The following KPNA1 variants were observed in gnomAD, a reference collection of about 807,000 sequenced individuals.
KPNA1 encodes the protein importin subunit alpha-5.
Under a neutral mutation model 70.5 loss-of-function variants are expected in KPNA1, and 10 were observed. That is an observed-to-expected ratio of 0.14 (90% CI 0.09 to 0.24). The LOEUF is 0.24. KPNA1 is among the 10% of genes least tolerant of loss of function. The probability of loss-of-function intolerance (pLI) is 1.00; values close to 1 mark genes in which losing one functional copy is unlikely to be tolerated. For synonymous variants in KPNA1, 192 were observed against 221.9 expected (o/e 0.87, Z 1.20); for missense variants, 397 against 637.9 (o/e 0.62, Z 4.07).
intron 3 of KPNA1, among the ~76,000 whole-genome samples, chr3:122,464,866 G>A (rs1028182313): frequency 1.3e-5 from 2 of 152,194 alleles, no homozygotes; most frequent in African/African-American, 2.4e-5. Context: ...AATGCTAGAT[G>A]ACTGGTAAGC....
chr3:122,512,429 T>C (rs1576356583), intron 1 of KPNA1, among the ~76,000 whole-genome samples: 2 of 152,320 alleles, frequency 1.3e-5, no homozygotes, highest in East Asian at 3.9e-4. Flanking sequence ...CTTTATAAAG[T>C]AACATAATGC....
chr3:122,498,613 T>C (rs2076789973), intron 1 of KPNA1, among the ~76,000 whole-genome samples: 1 of 152,246 alleles, frequency 6.6e-6, no homozygotes, highest in Non-Finnish European at 1.5e-5. Context: ...GATCTATATG[T>C]GTATCCCTGT....
At chr3:122,450,274 T>C (rs866834288) in intron 8 of KPNA1, among the ~76,000 whole-genome samples, 21 of 152,086 alleles carry the variant, frequency 1.4e-4, no homozygotes, top group Admixed American at 6.5e-4. Context: ...GATATACAAA[T>C]AGCCAACAAA....
At chr3:122,447,793 T>A (rs1390920445) in intron 9 of KPNA1, among the ~76,000 whole-genome samples, 1 of 151,950 alleles carries the variant, frequency 6.6e-6, no homozygotes, top group African/African-American at 2.4e-5. Flanking sequence ...CAGCCCCAAA[T>A]CTCCTTGAGC....
At chr3:122,449,044 C>G (rs1410329987) in intron 9 of KPNA1, among the ~76,000 whole-genome samples, 1 of 152,212 alleles carries the variant, frequency 6.6e-6, no homozygotes. Flanking sequence ...TACCTTGTAA[C>G]TGTACCATTT....
At chr3:122,459,630 G>A in intron 5 of KPNA1, 15 of 985,426 alleles carry the variant, frequency 1.5e-5, no homozygotes, top group Non-Finnish European at 1.8e-5. Context: ...TTTTTCAGGT[G>A]TCTGATGATC....
In KPNA1 at chr3:122,434,343, T is replaced by G. The variant is rs186165457; in HGVS notation, c.1123-555A>C. ...TGAGTTCTTTTCTCTTTCACTTTCC[T>G]CTTTTGTTCTGCCCACAGTAACAAA... On this transcript the variant is annotated intron_variant, in intron 11 of 13. Transcript: ENST00000344337. Among the ~76,000 whole-genome samples the G allele has an allele frequency of 2.4e-3, 365 of 152,332 alleles. 3 individuals carry two copies. The highest frequency in any genetic ancestry group is 7.0e-3 in the African/African-American group (290 of 41,556).
intron 10 of KPNA1, 30 bp downstream of exon 10, chr3:122,442,008 G>C (rs1430628625): frequency 2.7e-6 from 4 of 1,468,990 alleles, no homozygotes; most frequent in Non-Finnish European, 9.5e-7. Context: ...TGTTTTTAAA[G>C]GACAAAAAAA....
chr3:122,430,805 G>A (rs2075894681), intron 12 of KPNA1, among the ~76,000 whole-genome samples: 1 of 152,144 alleles, frequency 6.6e-6, no homozygotes, highest in East Asian at 1.9e-4. Flanking sequence ...AATGAACCTA[G>A]ACACAGGCCT....
intron 2 of KPNA1, among the ~76,000 whole-genome samples, chr3:122,480,203 C>T (rs1288842858): frequency 6.6e-6 from 1 of 152,102 alleles, no homozygotes; most frequent in Non-Finnish European, 1.5e-5. Flanking sequence ...AATTTTAGCA[C>T]AGGGAATCTA....
chr3:122,437,740 A>G (rs1240799256), intron 10 of KPNA1, among the ~76,000 whole-genome samples: 1 of 152,238 alleles, frequency 6.6e-6, no homozygotes, highest in Admixed American at 6.5e-5. Flanking sequence ...AAGATAAAAA[A>G]GATATGACCT....
intron 1 of KPNA1, among the ~76,000 whole-genome samples, chr3:122,504,456 A>T (rs890712789): frequency 6.6e-6 from 1 of 152,208 alleles, no homozygotes; most frequent in Admixed American, 6.5e-5. Context: ...TCAACACATG[A>T]ATCGTAAGGG....
chr3:122,482,321 T>C (rs2076580762), intron 2 of KPNA1, among the ~76,000 whole-genome samples: 2 of 152,228 alleles, frequency 1.3e-5, no homozygotes, highest in African/African-American at 4.8e-5. Context: ...TGGGACCACA[T>C]CATATATGTG....
At chr3:122,442,476 G>A (rs911141805) in intron 9 of KPNA1, among the ~76,000 whole-genome samples, 17 of 151,958 alleles carry the variant, frequency 1.1e-4, no homozygotes, top group Non-Finnish European at 1.9e-4. Context: ...TAACATTTAC[G>A]CAACATTTTT....
chr3:122,473,993 C>T (rs1470684266), intron 2 of KPNA1, among the ~76,000 whole-genome samples: 1 of 152,050 alleles, frequency 6.6e-6, no homozygotes. Flanking sequence ...AACTAATAAG[C>T]AATTATAGCA....
At chr3:122,453,595 G>C (rs994141787) in intron 6 of KPNA1, among the ~76,000 whole-genome samples, 1 of 151,964 alleles carries the variant, frequency 6.6e-6, no homozygotes, top group African/African-American at 2.4e-5. Context: ...GGAGTGCAAT[G>C]ACGCGATCTC....
At chr3:122,509,913 C>T (rs907328966) in intron 1 of KPNA1, among the ~76,000 whole-genome samples, 1 of 152,036 alleles carries the variant, frequency 6.6e-6, no homozygotes. Flanking sequence ...AAAAAAATAC[C>T]CATACCTAGA....
At chr3:122,498,598 C>A (rs2076789633) in intron 1 of KPNA1, among the ~76,000 whole-genome samples, 1 of 152,152 alleles carries the variant, frequency 6.6e-6, no homozygotes, top group African/African-American at 2.4e-5. Context: ...CAATTCTATT[C>A]CACTGATCTA....
chr3:122,478,894 C>CAA (rs57843662), intron 2 of KPNA1, among the ~76,000 whole-genome samples: 2,422 of 18,662 alleles, frequency 0.13, 579 homozygotes, highest in Non-Finnish European at 0.17. Flanking sequence ...AACCTCGTCT[C>CAA]AAAAAAAAAA....
Sources: allele counts gnomAD v4.1 joint callset (sites outside exome capture counted in the v4.1 genomes callset), GRCh38; gene constraint gnomAD v4.1.1; transcripts MANE v1.5; gene names NCBI Gene and HGNC (gene_info 2026-07-23, HGNC 2026-07-21).